The following NAALADL2 variants were observed in gnomAD, a reference collection of about 807,000 sequenced individuals.
NAALADL2 encodes the protein inactive N-acetylated-alpha-linked acidic dipeptidase-like protein 2.
In NAALADL2, 76 loss-of-function variants were observed where a neutral mutation model predicts 87.2. The ratio of observed to expected loss-of-function variants is 0.87; its 90% CI spans 0.72 to 1.05. NAALADL2 has a LOEUF of 1.05. NAALADL2 is among the 50% of genes least tolerant of loss of function. NAALADL2 has a pLI of 0.00. For missense variants in NAALADL2, 1,089 were observed against 945.8 expected (o/e 1.15, Z -1.99); for synonymous variants, 354 against 331.0 (o/e 1.07, Z -0.75).
chr3:175,293,866 A>T (rs1469435704), intron 4 of NAALADL2, among the ~76,000 whole-genome samples: 2 of 152,248 alleles, frequency 1.3e-5, no homozygotes, highest in Non-Finnish European at 2.9e-5. Flanking sequence ...TAAGAAACTA[A>T]ATAATTAATA....
At chr3:175,358,455 C>G (rs1275064956) in intron 5 of NAALADL2, among the ~76,000 whole-genome samples, 2 of 150,646 alleles carry the variant, frequency 1.3e-5, no homozygotes, top group Non-Finnish European at 3.0e-5. Context: ...CTAAAATGCT[C>G]TAAGAAAGCT....
At chr3:174,704,070 G>T (rs1423338960) in intron 2 of NAALADL2, among the ~76,000 whole-genome samples, 1 of 152,154 alleles carries the variant, frequency 6.6e-6, no homozygotes, top group Admixed American at 6.5e-5. Flanking sequence ...AACGGAATAG[G>T]CTAGGAGATA....
At chr3:175,421,278 C>T (rs747129436) in intron 5 of NAALADL2, among the ~76,000 whole-genome samples, 14 of 151,964 alleles carry the variant, frequency 9.2e-5, no homozygotes, top group African/African-American at 1.9e-4. Context: ...AAATGGTTCT[C>T]GTAGCATTGT....
intron 5 of NAALADL2, among the ~76,000 whole-genome samples, chr3:175,390,186 T>C (rs1301750852): frequency 6.6e-6 from 1 of 152,106 alleles, no homozygotes; most frequent in Non-Finnish European, 1.5e-5. Flanking sequence ...AAAAAAATTA[T>C]ACTGTGCCTT....
At chr3:174,505,614 A>T (rs1719152404) in intron 1 of NAALADL2, among the ~76,000 whole-genome samples, 2 of 152,164 alleles carry the variant, frequency 1.3e-5, no homozygotes, top group African/African-American at 4.8e-5. Flanking sequence ...AGCATGAGGG[A>T]TAAGGGTAGT....
At chr3:175,172,329 A>G (rs944889784) in intron 2 of NAALADL2, among the ~76,000 whole-genome samples, 3 of 152,248 alleles carry the variant, frequency 2.0e-5, no homozygotes, top group African/African-American at 7.2e-5. Flanking sequence ...ACCAGATCCA[A>G]CAACTGCTCT....
chr3:175,396,824 T>C (rs996891584), intron 5 of NAALADL2, among the ~76,000 whole-genome samples: 2 of 152,076 alleles, frequency 1.3e-5, no homozygotes, highest in African/African-American at 4.8e-5. Flanking sequence ...ACTCTGTGCT[T>C]CTCCTTGCTG....
intron 13 of NAALADL2, among the ~76,000 whole-genome samples, chr3:175,756,908 CAT>C (rs1331691443): frequency 6.6e-6 from 1 of 151,012 alleles, no homozygotes; most frequent in Admixed American, 6.6e-5. Context: ...TTAATATATA[CAT>C]ATATAATATG....
chr3:175,067,844 G>T (rs1055100263), intron 1 of NAALADL2, among the ~76,000 whole-genome samples: 1 of 152,098 alleles, frequency 6.6e-6, no homozygotes, highest in Admixed American at 6.6e-5. Flanking sequence ...CCACCCATGT[G>T]CCTATCAATG....
intron 3 of NAALADL2, among the ~76,000 whole-genome samples, chr3:174,784,805 CTT>C (rs1716403609): frequency 6.6e-6 from 1 of 152,144 alleles, no homozygotes; most frequent in Non-Finnish European, 1.5e-5. Context: ...TGTTTAGTCT[CTT>C]GTTTGTCATG....
At chr3:174,508,402 C>T (rs990315436) in intron 1 of NAALADL2, among the ~76,000 whole-genome samples, 3 of 152,074 alleles carry the variant, frequency 2.0e-5, no homozygotes, top group East Asian at 1.9e-4. Context: ...CGTGTGCCAC[C>T]GCACCCGGTC....
chr3:175,638,002 G>A (rs1377139280), intron 11 of NAALADL2, among the ~76,000 whole-genome samples: 1 of 152,122 alleles, frequency 6.6e-6, no homozygotes, highest in Non-Finnish European at 1.5e-5. Context: ...TAAAATAAAT[G>A]TGTGACATTT....
intron 1 of NAALADL2, among the ~76,000 whole-genome samples, chr3:174,979,582 G>A (rs929612682): frequency 6.6e-6 from 1 of 151,936 alleles, no homozygotes; most frequent in African/African-American, 2.4e-5. Context: ...TGGGATTACA[G>A]GCGTGAACCA....
intron 1 of NAALADL2, among the ~76,000 whole-genome samples, chr3:174,457,057 C>T (rs1559995721): frequency 6.6e-6 from 1 of 151,942 alleles, no homozygotes; most frequent in African/African-American, 2.4e-5. Flanking sequence ...GACATAAACA[C>T]TTTTCAAAAG....
chr3:175,177,736 A>G (rs1206837256), intron 2 of NAALADL2, among the ~76,000 whole-genome samples: 1 of 152,092 alleles, frequency 6.6e-6, no homozygotes, highest in East Asian at 1.9e-4. Context: ...ATTTTCATGT[A>G]TGCACGTATT....
intron 2 of NAALADL2, among the ~76,000 whole-genome samples, chr3:174,656,625 T>C (rs535875715): frequency 3.9e-5 from 6 of 152,328 alleles, no homozygotes; most frequent in East Asian, 3.9e-4. Context: ...TTAAACTGTT[T>C]AGTATTTCAA....
At chr3:175,767,198 C>T (rs1403641129) in intron 13 of NAALADL2, among the ~76,000 whole-genome samples, 1 of 151,492 alleles carries the variant, frequency 6.6e-6, no homozygotes, top group African/African-American at 2.4e-5. Context: ...AAGACTACAG[C>T]ATTTTTAACT....
At chr3:174,856,860 T>C (rs556309305), upstream of NAALADL2, among the ~76,000 whole-genome samples, 1 of 152,126 alleles carries the variant, frequency 6.6e-6, no homozygotes, top group Non-Finnish European at 1.5e-5. Context: ...AGCCACGGTG[T>C]GTGATAATTG....
intron 2 of NAALADL2, among the ~76,000 whole-genome samples, chr3:174,625,057 C>CTCTCTTTTTTTTTTTT (rs748895219): frequency 2.2e-4 from 17 of 78,860 alleles, no homozygotes; most frequent in South Asian, 6.4e-4. Flanking sequence ...CTCTCTCTCT[C>CTCTCTTTTTTTTTTTT]TTTTTTTTTT....
Sources: allele counts gnomAD v4.1 joint callset (sites outside exome capture counted in the v4.1 genomes callset), GRCh38; gene constraint gnomAD v4.1.1; transcripts MANE v1.5; gene names NCBI Gene and HGNC (gene_info 2026-07-23, HGNC 2026-07-21).